DNAJC6: variants seen among roughly 807,000 people sequenced by gnomAD.
The protein encoded by DNAJC6 is auxilin.
In DNAJC6, 34 loss-of-function variants were observed where a neutral mutation model predicts 110.0. That is an observed-to-expected ratio of 0.31 (90% CI 0.24 to 0.41). The LOEUF (loss-of-function observed/expected upper bound fraction) is 0.41, where lower values mean the gene tolerates loss of function less well. Among genes scored for constraint, DNAJC6 ranks in the 10% least tolerant of loss-of-function variants. The probability of loss-of-function intolerance (pLI) is 1.00; values close to 1 mark genes in which losing one functional copy is unlikely to be tolerated. For synonymous variants in DNAJC6, 406 were observed against 437.2 expected (o/e 0.93, Z 0.89); for missense variants, 1,031 against 1,207.8 (o/e 0.85, Z 2.17).
At chr1:65,353,199 C>T (rs1645508538) in intron 1 of DNAJC6, among the ~76,000 whole-genome samples, 1 of 152,174 alleles carries the variant, frequency 6.6e-6, no homozygotes, top group Admixed American at 6.6e-5. Flanking sequence ...CAATTGATGG[C>T]CCCTCACTTT....
intron 1 of DNAJC6, among the ~76,000 whole-genome samples, chr1:65,331,832 T>C (rs575076626): frequency 1.3e-5 from 2 of 152,374 alleles, no homozygotes; most frequent in Non-Finnish European, 2.9e-5. Flanking sequence ...CTGTCAGCAG[T>C]GCTCTTGGTT....
At chr1:65,383,006 A>G (rs1645838060) in intron 5 of DNAJC6, among the ~76,000 whole-genome samples, 1 of 152,200 alleles carries the variant, frequency 6.6e-6, no homozygotes. Context: ...AGAAAGGAGT[A>G]GGTTTATTTT....
At chr1:65,378,873 AT>A (rs1382738825) in intron 4 of DNAJC6, among the ~76,000 whole-genome samples, 3 of 152,244 alleles carry the variant, frequency 2.0e-5, no homozygotes, top group Non-Finnish European at 2.9e-5. Flanking sequence ...TGTGAAAAAA[AT>A]ATGCATGTTA....
intron 1 of DNAJC6, among the ~76,000 whole-genome samples, chr1:65,299,650 T>C (rs1182551361): frequency 6.6e-6 from 1 of 152,190 alleles, no homozygotes; most frequent in Non-Finnish European, 1.5e-5. Context: ...ATAACTACCC[T>C]GTTTTTATTA....
intron 1 of DNAJC6, among the ~76,000 whole-genome samples, chr1:65,337,633 G>A (rs1645349999): frequency 6.6e-6 from 1 of 151,824 alleles, no homozygotes; most frequent in East Asian, 1.9e-4. Context: ...AAAAATATTT[G>A]GAAAAACACC....
chr1:65,316,407 C>T (rs1369348440), intron 1 of DNAJC6, among the ~76,000 whole-genome samples: 2 of 152,230 alleles, frequency 1.3e-5, no homozygotes, highest in Non-Finnish European at 2.9e-5. Flanking sequence ...TGGTCATTCT[C>T]CATGCTCCTC....
At chr1:65,379,647 T>TTGGG (rs1570350793) in intron 5 of DNAJC6, 123 bp downstream of exon 5, 1 of 1,346,758 alleles carries the variant, frequency 7.4e-7, no homozygotes, top group Non-Finnish European at 1.0e-6. Context: ...TATTTAGGAA[T>TTGGG]TGGGTAATGT....
intron 1 of DNAJC6, among the ~76,000 whole-genome samples, chr1:65,273,332 C>T (rs1241840246): frequency 6.6e-6 from 1 of 152,184 alleles, no homozygotes; most frequent in African/African-American, 2.4e-5. Context: ...GGCGTGGTGG[C>T]TCACGCCTGT....
chr1:65,390,105 G>A (rs1296189290), intron 11 of DNAJC6, among the ~76,000 whole-genome samples: 1 of 152,102 alleles, frequency 6.6e-6, no homozygotes, highest in Non-Finnish European at 1.5e-5. Context: ...CAACTCAGTA[G>A]ATGCTCTTAG....
intron 1 of DNAJC6, among the ~76,000 whole-genome samples, chr1:65,322,292 G>C (rs1187442358): frequency 6.6e-6 from 1 of 152,158 alleles, no homozygotes; most frequent in African/African-American, 2.4e-5. Flanking sequence ...AATTCAGAGA[G>C]TAGTATAAAA....
intron 1 of DNAJC6, among the ~76,000 whole-genome samples, chr1:65,299,245 T>G (rs1432056922): frequency 6.6e-6 from 1 of 152,254 alleles, no homozygotes; most frequent in East Asian, 1.9e-4. Context: ...TTGGCCATAT[T>G]GAAGCTAATA....
chr1:65,377,316 A>G (rs1645776199), intron 4 of DNAJC6, among the ~76,000 whole-genome samples: 1 of 152,206 alleles, frequency 6.6e-6, no homozygotes, highest in African/African-American at 2.4e-5. Flanking sequence ...TCTGACAGCA[A>G]AATGTATCTT....
upstream of DNAJC6, chr1:65,306,620 T>A (rs1340983452): frequency 6.6e-6 from 1 of 152,158 alleles, no homozygotes; most frequent in African/African-American, 2.4e-5. Flanking sequence ...AAGGGAATGA[T>A]TGCTGTCCCC....
intron 1 of DNAJC6, among the ~76,000 whole-genome samples, chr1:65,346,787 A>G (rs1182201039): frequency 1.3e-5 from 2 of 152,038 alleles, no homozygotes; most frequent in African/African-American, 4.8e-5. Flanking sequence ...TTGCTCTCCA[A>G]CATTATTTTG....
chr1:65,386,923 G>A lies in DNAJC6; in HGVS notation c.1107G>A (p.Gln369=). ...GGTCAACCATTGGGAGCCGGCTACA[G>A]GCTAAGGTATGGTTTTTGGAAGAAT... The part of the protein sequence containing the change: ...HLRSTIGSRL[Q]AKVTNTQIFQ... Residue 369 remains glutamine (Q), a synonymous_variant, in exon 8 of 19, where the codon CAG becomes CAA. Coordinates refer to ENST00000371069, the MANE Select transcript of DNAJC6 (RefSeq NM_001256864.2). 1 of 1,613,528 alleles carries A rather than the reference G, an allele frequency of 6.2e-7. No individual in the cohort carries two copies. The highest frequency in any genetic ancestry group is 1.1e-5 in the South Asian group (1 of 91,070).
At position 65,413,038 on chromosome 1, in the gene DNAJC6, T is replaced by C. The variant is rs1646143056; in HGVS notation, c.*13T>C. The C allele has an allele frequency of 1.9e-6, 3 of 1,611,338 alleles. No individual in the cohort carries two copies. Among genetic ancestry groups the C allele is most frequent in the Non-Finnish European group, 2.5e-6 (3 of 1,177,752 alleles). On this transcript the variant is annotated 3_prime_UTR_variant, in exon 19 of 19. Transcript: ENST00000371069. ...GCCCTTATATTAATTTATGAGCTTT[T>C]CCATCTCTGCTGCAGACCTGTGCTA...
At chr1:65,266,934 T>G (rs2477787) in intron 1 of DNAJC6, among the ~76,000 whole-genome samples, 31,411 of 151,150 alleles carry the variant, frequency 0.21, 4,032 homozygotes, top group South Asian at 0.35. Context: ...TCACGCCCTG[T>G]CGCCCAGGTT....
intron 4 of DNAJC6, among the ~76,000 whole-genome samples, chr1:65,378,049 C>CCATGTCTTATGTCATGTATGCCA (rs796183443): frequency 9.9e-5 from 15 of 151,812 alleles, no homozygotes; most frequent in African/African-American, 3.4e-4. Flanking sequence ...CACACTGCCA[C>CCATGTCTTATGTCATGTATGCCA]CATGTATCAC....
upstream of DNAJC6, among the ~76,000 whole-genome samples, chr1:65,307,008 CTCTCTCTCTCTATATATA>C (rs1230387742): frequency 1.6e-4 from 15 of 93,212 alleles, no homozygotes; most frequent in Non-Finnish European, 2.0e-4. Flanking sequence ...CTCTCTCTCT[CTCTCTCTCTCTATATATA>C]TATATATATA....
Sources: allele counts gnomAD v4.1 joint callset (sites outside exome capture counted in the v4.1 genomes callset), GRCh38; gene constraint gnomAD v4.1.1; transcripts MANE v1.5; gene names NCBI Gene and HGNC (gene_info 2026-07-23, HGNC 2026-07-21).